Variants in PIWIL2 observed in about 807,000 individuals in gnomAD.
The protein encoded by PIWIL2 is piwi like RNA-mediated gene silencing 2, also known as piwi-like protein 2.
Under a neutral mutation model 116.5 loss-of-function variants are expected in PIWIL2, and 81 were observed. That is an observed-to-expected ratio of 0.70 (90% CI 0.58 to 0.84). The LOEUF is 0.84. Among genes scored for constraint, PIWIL2 ranks in the 40% least tolerant of loss-of-function variants. The probability of loss-of-function intolerance (pLI) is 0.00; values close to 1 mark genes in which losing one functional copy is unlikely to be tolerated. For missense variants in PIWIL2, 1,272 were observed against 1,212.3 expected, an observed-to-expected ratio of 1.05 and a Z score of -0.73; for synonymous variants, 489 against 429.5, an observed-to-expected ratio of 1.14 and a Z score of -1.71.
At position 22,338,691 on chromosome 8, in the gene PIWIL2, A is replaced by AAAATAAATAAAT. The variant is rs71544880; in HGVS notation, c.2404-14245_2404-14234dup. ...TGGGTGACGGCGAGACTCCATCTCAAAAATAAATAAATAAATAAATAAATA... is the reference window on the plus strand; with the variant it reads ...TGGGTGACGGCGAGACTCCATCTCAAAAATAAATAAATAAATAAATAAATAAATAAATAAATA... On this transcript the variant is annotated intron_variant, in intron 20 of 22. Transcript: ENST00000356766. Among the ~76,000 whole-genome samples, 16 of 150,078 alleles carry AAAATAAATAAAT rather than the reference A, an allele frequency of 1.1e-4. No homozygotes were observed. In the East Asian group the frequency reaches 2.2e-3, roughly 21 times the overall value.
At position 22,316,353 on chromosome 8, in the gene PIWIL2, C is replaced by G. The variant is rs1015163512; in HGVS notation, c.2297+20C>G. ...CAATCTGTAAGTACTGCTCACAGTG[C>G]CATCTTGTTTGATTATTTCATTTTA... is the stretch of plus-strand genomic sequence containing the variant. On this transcript the variant is annotated intron_variant, in intron 19 of 22. Coordinates refer to ENST00000356766, the MANE Select transcript of PIWIL2 (RefSeq NM_018068.5). The G allele has an allele frequency of 6.8e-7, 1 of 1,464,410 alleles. No homozygotes were observed. The allele number at this position is 1,464,410 out of a possible 1,614,324, so 90.7% of individuals were successfully genotyped here. A position where few individuals can be genotyped will look rare whatever the true frequency, so the allele number is the denominator to read the frequency against.
intron 20 of PIWIL2, among the ~76,000 whole-genome samples, chr8:22,333,514 A>G (rs1052234348): frequency 1.3e-5 from 2 of 152,110 alleles, no homozygotes; most frequent in African/African-American, 4.8e-5. Context: ...CGGGAGGCTG[A>G]GGCAGGAGAA....
intron 20 of PIWIL2, among the ~76,000 whole-genome samples, chr8:22,326,420 G>A (rs956815688): frequency 6.6e-6 from 1 of 152,088 alleles, no homozygotes; most frequent in African/African-American, 2.4e-5. Flanking sequence ...TACTTGGGGG[G>A]CTGAGGTAAG....
chr8:22,333,085 G>A (rs888406351), intron 20 of PIWIL2, among the ~76,000 whole-genome samples: 4 of 152,012 alleles, frequency 2.6e-5, no homozygotes, highest in Admixed American at 1.3e-4. Context: ...TTGAGGAAAA[G>A]GTAAAAGTAC....
At chr8:22,322,062 G>C in intron 20 of PIWIL2, 1 of 847,982 alleles carries the variant, frequency 1.2e-6, no homozygotes, top group Non-Finnish European at 1.4e-6. Flanking sequence ...TGGAATAAAA[G>C]TTGCAAAATA....
At chr8:22,280,392 A>T (rs1040974803) in intron 2 of PIWIL2, among the ~76,000 whole-genome samples, 3 of 152,238 alleles carry the variant, frequency 2.0e-5, no homozygotes, top group Non-Finnish European at 1.5e-5. Flanking sequence ...ACTTTTAATT[A>T]TAAAGTAATT....
chr8:22,281,246 A>G (rs1014851999), intron 3 of PIWIL2, 39 bp downstream of exon 3: 2 of 1,550,186 alleles, frequency 1.3e-6, no homozygotes, highest in Non-Finnish European at 1.8e-6. Flanking sequence ...GGTGGTATGT[A>G]TGATTGGTTT....
At chr8:22,308,983 T>C (rs1434532870) in intron 14 of PIWIL2, among the ~76,000 whole-genome samples, 3 of 151,436 alleles carry the variant, frequency 2.0e-5, no homozygotes, top group Admixed American at 6.6e-5. Flanking sequence ...TTTTTTAAGA[T>C]GGGGTTTCAT....
chr8:22,303,887 C>T (rs1831111567), intron 10 of PIWIL2, 134 bp from the exon 11 acceptor site: 1 of 492,660 alleles, frequency 2.0e-6, no homozygotes, highest in Non-Finnish European at 3.5e-6. Flanking sequence ...CCAAGAGTCC[C>T]ATCTTTTAAC....
In PIWIL2 at chr8:22,281,419, G is replaced by A. The variant is rs142658978; in HGVS notation, c.329G>A (p.Arg110His). 3.5e-5 allele frequency: 57 copies of A among 1,607,162 alleles called. No individual in the cohort carries two copies. The highest frequency in any genetic ancestry group is 1.7e-4 in the Admixed American group (10 of 57,386). Residue 110 changes from arginine to histidine, a missense_variant, in exon 4 of 23, where the codon CGC (arginine) becomes CAC (histidine). By Grantham distance (29) the Arg-to-His change is conservative. Coordinates refer to ENST00000356766, the MANE Select transcript of PIWIL2 (RefSeq NM_018068.5). ...CGAGGCTTGTCTGCTAATCTGGTAC[G>A]CAAGGACAGGGAGGAACTCTCTCCC... Reference protein sequence around the residue: ...LGRGLSANLVRKDREELSPTF... With the variant: ...LGRGLSANLVHKDREELSPTF...
At chr8:22,328,379 T>A (rs1831775981) in intron 20 of PIWIL2, among the ~76,000 whole-genome samples, 1 of 152,178 alleles carries the variant, frequency 6.6e-6, no homozygotes. Flanking sequence ...CTTCCAACTT[T>A]ATTTTTCTTT....
intron 20 of PIWIL2, among the ~76,000 whole-genome samples, chr8:22,350,466 C>G (rs528805189): frequency 6.6e-6 from 1 of 152,096 alleles, no homozygotes; most frequent in Non-Finnish European, 1.5e-5. Context: ...CATGGTGACA[C>G]AAACTTGTAG....
chr8:22,351,687 A>G lies in PIWIL2; in HGVS notation c.2404-1272A>G, dbSNP rs536415254. On this transcript the variant is annotated intron_variant, in intron 20 of 22. Coordinates refer to ENST00000356766, the MANE Select transcript of PIWIL2 (RefSeq NM_018068.5). ...TGAATAGCTGGGACTACAGGTGTGC[A>G]CCACCACACCTGGCTAATTTTTGTA... is the stretch of plus-strand genomic sequence containing the variant. 1.1e-3 allele frequency among the ~76,000 whole-genome samples: 172 copies of G among 150,106 alleles called. 1 individual carries two copies. The highest frequency in any genetic ancestry group is 4.0e-3 in the African/African-American group (165 of 40,988).
intron 10 of PIWIL2, among the ~76,000 whole-genome samples, chr8:22,291,719 A>G (rs1830772282): frequency 6.6e-6 from 1 of 152,066 alleles, no homozygotes; most frequent in South Asian, 2.1e-4. Context: ...TCCTCTGACC[A>G]TTTCATTCAT....
intron 20 of PIWIL2, among the ~76,000 whole-genome samples, chr8:22,337,330 TAATC>T (rs917647989): frequency 1.3e-5 from 2 of 152,140 alleles, no homozygotes; most frequent in East Asian, 1.9e-4. Flanking sequence ...CAGTATATAA[TAATC>T]AGTTGTATTT....
chr8:22,328,807 G>T (rs188395057), intron 20 of PIWIL2, among the ~76,000 whole-genome samples: 1 of 141,290 alleles, frequency 7.1e-6, no homozygotes, highest in African/African-American at 2.6e-5. Context: ...ATGTGGTTAT[G>T]AGCTCTAGTC....
Position 22,315,072 on chromosome 8 carries a change from G to T in PIWIL2, c.2135G>T (p.Ser712Ile), listed in dbSNP as rs754570724. The T allele has an allele frequency of 1.9e-6, 3 of 1,613,948 alleles. No homozygotes were observed. The highest frequency in any genetic ancestry group is 2.5e-6 in the Non-Finnish European group (3 of 1,179,846). The change falls in exon 18 of 23, where the codon AGT becomes ATT. Residue 712 changes from serine to isoleucine, a missense_variant. Ser to Ile is a moderately radical substitution (Grantham distance 142). Transcript: ENST00000356766. ...RTIGQPTRLRSVAQKILLQIN... is the reference protein window; with the variant it reads ...RTIGQPTRLRIVAQKILLQIN... ...ATTGGTCAGCCCACCAGGCTTCGGA[G>T]TGTGGCCCAGAAGATTTTACTTCAG...
Position 22,316,294 on chromosome 8 carries a change from G to A in PIWIL2, c.2258G>A (p.Gly753Asp), listed in dbSNP as rs1831457143. The change falls in exon 19 of 23, where the codon GGC becomes GAC. Residue 753 changes from glycine (G) to aspartate (D), a missense_variant. Coordinates refer to ENST00000356766, the MANE Select transcript of PIWIL2 (RefSeq NM_018068.5). ...GMDVYHDPSR[G>D]MRSVVGFVAS... Reference sequence around the variant, plus strand: ...GATGTTTACCATGACCCCAGTAGAGGCATGCGCTCCGTGGTTGGCTTCGTG... The same window carrying A: ...GATGTTTACCATGACCCCAGTAGAGACATGCGCTCCGTGGTTGGCTTCGTG... The A allele has an allele frequency of 6.2e-7, 1 of 1,613,272 alleles. No individual in the cohort carries two copies. The highest frequency in any genetic ancestry group is 8.5e-7 in the Non-Finnish European group (1 of 1,179,266).
At chr8:22,326,921 G>C (rs183874479) in intron 20 of PIWIL2, among the ~76,000 whole-genome samples, 4 of 151,290 alleles carry the variant, frequency 2.6e-5, no homozygotes, top group Admixed American at 2.6e-4. Context: ...CCACCAAGCT[G>C]TTTTGCCCAG....
Sources: gnomAD v4.1 joint callset for allele counts (sites outside exome capture counted in the v4.1 genomes callset) on GRCh38, gnomAD v4.1.1 for gene constraint, MANE v1.5 for transcripts, NCBI Gene and HGNC (gene_info 2026-07-23, HGNC 2026-07-21) for gene names.